The following CA10 variants were observed in gnomAD, a reference collection of about 807,000 sequenced individuals.
CA10 encodes the protein carbonic anhydrase-related protein 10.
CA10 carries 14 observed loss-of-function variants against 44.2 expected under a neutral mutation model. The observed-to-expected ratio is 0.32, with a 90% CI of 0.21 to 0.50. CA10 has a LOEUF of 0.50. Ranked by LOEUF, CA10 falls within the 20% of genes least tolerant of loss-of-function variation. The pLI is 0.99. For missense variants in CA10, 350 were observed against 409.7 expected, an observed-to-expected ratio of 0.85 and a Z score of 1.26; for synonymous variants, 159 against 141.6, an observed-to-expected ratio of 1.12 and a Z score of -0.87.
At chr17:52,006,576 ATTG>A (rs148885357) in intron 2 of CA10, among the ~76,000 whole-genome samples, 3,012 of 151,440 alleles carry the variant, frequency 0.02, 47 homozygotes, top group Non-Finnish European at 0.032. Context: ...ATCCTTTCTG[ATTG>A]TTGTTTGTAT....
intron 3 of CA10, among the ~76,000 whole-genome samples, chr17:51,921,521 T>A (rs890204116): frequency 6.6e-6 from 1 of 152,204 alleles, no homozygotes; most frequent in Non-Finnish European, 1.5e-5. Flanking sequence ...TAAAACATTT[T>A]GATTTTTCAT....
chr17:51,930,862 T>G (rs1598123879), intron 3 of CA10, 128 bp downstream of exon 3: 2 of 1,061,584 alleles, frequency 1.9e-6, no homozygotes. Flanking sequence ...TGGCGGCAGG[T>G]CTGAAGTCTG....
chr17:51,962,820 C>T (rs1383269733), intron 2 of CA10, among the ~76,000 whole-genome samples: 2 of 152,100 alleles, frequency 1.3e-5, no homozygotes, highest in Non-Finnish European at 2.9e-5. Context: ...GTCCTATTAT[C>T]TCTGGATGAG....
At chr17:52,115,761 C>A (rs1337967472) in intron 1 of CA10, among the ~76,000 whole-genome samples, 14 of 152,218 alleles carry the variant, frequency 9.2e-5, no homozygotes, top group Admixed American at 9.2e-4. Flanking sequence ...GTCTTCCCCT[C>A]TCCTGGCCAA....
intron 4 of CA10, among the ~76,000 whole-genome samples, chr17:51,662,105 T>C (rs575748773): frequency 3.3e-5 from 5 of 152,382 alleles, no homozygotes; most frequent in African/African-American, 1.2e-4. Flanking sequence ...GTAAGTGTTC[T>C]ATACAGATAG....
At chr17:51,751,645 C>T (rs1055932909) in intron 3 of CA10, among the ~76,000 whole-genome samples, 1 of 152,134 alleles carries the variant, frequency 6.6e-6, no homozygotes, top group African/African-American at 2.4e-5. Flanking sequence ...TATAATGTTG[C>T]TTGCTAAATG....
At chr17:51,658,740 G>A (rs1913892551) in intron 4 of CA10, among the ~76,000 whole-genome samples, 1 of 152,186 alleles carries the variant, frequency 6.6e-6, no homozygotes, top group Non-Finnish European at 1.5e-5. Context: ...CAATTGATCT[G>A]ATGTGCATTT....
intron 4 of CA10, among the ~76,000 whole-genome samples, chr17:51,656,907 C>A (rs945622486): frequency 1.3e-5 from 2 of 152,174 alleles, no homozygotes; most frequent in Non-Finnish European, 2.9e-5. Flanking sequence ...GGTTAAGGAG[C>A]ACATGCATCA....
chr17:51,727,164 A>G (rs1468139351), intron 4 of CA10, among the ~76,000 whole-genome samples: 5 of 152,204 alleles, frequency 3.3e-5, no homozygotes, highest in Admixed American at 1.3e-4. Context: ...GCAATGGACT[A>G]TCTCCTACCA....
intron 4 of CA10, among the ~76,000 whole-genome samples, chr17:51,682,225 C>T (rs1397007728): frequency 2.0e-5 from 3 of 152,148 alleles, no homozygotes; most frequent in South Asian, 2.1e-4. Context: ...AGTCTGCCAT[C>T]GGGTTTCTAA....
intron 2 of CA10, among the ~76,000 whole-genome samples, chr17:51,965,257 A>G (rs1489762207): frequency 6.6e-6 from 1 of 151,882 alleles, no homozygotes; most frequent in African/African-American, 2.4e-5. Flanking sequence ...AGTCACATAA[A>G]AAAGCCCCAA....
At chr17:51,878,627 T>C (rs1288965792) in intron 3 of CA10, among the ~76,000 whole-genome samples, 1 of 151,778 alleles carries the variant, frequency 6.6e-6, no homozygotes, top group Non-Finnish European at 1.5e-5. Flanking sequence ...CCTATAAAAA[T>C]CTTTGATCCA....
intron 3 of CA10, among the ~76,000 whole-genome samples, chr17:51,795,028 C>T (rs1906653775): frequency 6.6e-6 from 1 of 152,132 alleles, no homozygotes; most frequent in Non-Finnish European, 1.5e-5. Context: ...GGGTTCACTT[C>T]CAGATTTTCC....
intron 1 of CA10, among the ~76,000 whole-genome samples, chr17:52,114,736 T>C (rs1464391840): frequency 6.6e-6 from 1 of 152,190 alleles, no homozygotes; most frequent in Non-Finnish European, 1.5e-5. Flanking sequence ...CTTGTGTGTA[T>C]CTTACCCCAC....
At chr17:52,091,694 G>A (rs879409012) in intron 1 of CA10, among the ~76,000 whole-genome samples, 11 of 152,176 alleles carry the variant, frequency 7.2e-5, no homozygotes, top group Non-Finnish European at 1.0e-4. Flanking sequence ...ACTCAATTTT[G>A]ATTTGCAGTT....
chr17:52,062,198 G>T, intron 2 of CA10, among the ~76,000 whole-genome samples: 1 of 151,252 alleles, frequency 6.6e-6, no homozygotes, highest in Non-Finnish European at 1.5e-5. Context: ...CTCCCAAGTA[G>T]CTGGGATTAC....
At chr17:51,728,177 A>G (rs1327527840) in intron 4 of CA10, among the ~76,000 whole-genome samples, 2 of 152,180 alleles carry the variant, frequency 1.3e-5, no homozygotes, top group Non-Finnish European at 2.9e-5. Context: ...GGTGTAAGCC[A>G]CTGTGCCAGA....
At chr17:51,714,506 G>A (rs79316564) in intron 4 of CA10, among the ~76,000 whole-genome samples, 5,225 of 152,056 alleles carry the variant, frequency 0.034, 318 homozygotes, top group African/African-American at 0.12. Context: ...GGTGGGCTGG[G>A]GTCCTCATCA....
chr17:51,831,160 C>T (rs1428709771), intron 3 of CA10, among the ~76,000 whole-genome samples: 1 of 152,136 alleles, frequency 6.6e-6, no homozygotes, highest in East Asian at 1.9e-4. Flanking sequence ...GAGCTGAGAG[C>T]AATAGCTCTG....
Sources: allele counts gnomAD v4.1 joint callset (sites outside exome capture counted in the v4.1 genomes callset), GRCh38; gene constraint gnomAD v4.1.1; transcripts MANE v1.5; gene names NCBI Gene and HGNC (gene_info 2026-07-23, HGNC 2026-07-21).